Variants in BACH1 observed in about 807,000 individuals in gnomAD.
BACH1 encodes BTB domain and CNC homolog 1, also known as transcription regulator protein BACH1.
BACH1 carries 35 observed loss-of-function variants against 52.9 expected under a neutral mutation model. The ratio of observed to expected loss-of-function variants is 0.66; its 90% CI spans 0.51 to 0.88. BACH1 has a LOEUF of 0.88. BACH1 is among the 40% of genes least tolerant of loss of function. The pLI, the probability that BACH1 is intolerant of heterozygous loss-of-function variation, is 0.00. For missense variants in BACH1, 808 were observed against 872.6 expected (o/e 0.93, Z 0.93); for synonymous variants, 321 against 319.6 (o/e 1.00, Z -0.05).
At chr21:29,358,812 A>AAGAAAGAAATAAAG (rs370582692) in intron 2 of BACH1, among the ~76,000 whole-genome samples, 1 of 146,450 alleles carries the variant, frequency 6.8e-6, no homozygotes. Flanking sequence ...GAAAGAAAGA[A>AAGAAAGAAATAAAG]AGAAGAAAGA....
At chr21:29,358,249 C>T (rs891981534) in intron 2 of BACH1, among the ~76,000 whole-genome samples, 1 of 152,188 alleles carries the variant, frequency 6.6e-6, no homozygotes, top group African/African-American at 2.4e-5. Flanking sequence ...GGGCTAATAT[C>T]TTTAATCTTT....
intron 2 of BACH1, among the ~76,000 whole-genome samples, chr21:29,325,331 C>T (rs2088897775): frequency 6.6e-6 from 1 of 152,134 alleles, no homozygotes; most frequent in African/African-American, 2.4e-5. Flanking sequence ...ATGATGCCTT[C>T]TGTGTACTGG....
At chr21:29,321,663 GTTTT>G (rs1038282129) in intron 2 of BACH1, 149 bp downstream of exon 2, 1 of 581,980 alleles carries the variant, frequency 1.7e-6, no homozygotes, top group African/African-American at 2.3e-5. Context: ...TTTTTTTTTA[GTTTT>G]TTTAATGTAA....
intron 2 of BACH1, among the ~76,000 whole-genome samples, chr21:29,357,296 G>T (rs537420160): frequency 7.1e-4 from 108 of 152,260 alleles, no homozygotes; most frequent in African/African-American, 2.5e-3. Flanking sequence ...GTGAACTTCC[G>T]TCGGTATATA....
intron 4 of BACH1, among the ~76,000 whole-genome samples, chr21:29,339,892 T>C (rs1432965771): frequency 6.6e-6 from 1 of 152,168 alleles, no homozygotes; most frequent in Non-Finnish European, 1.5e-5. Context: ...CACCTCAGCC[T>C]CCCAAAGTGC....
At chr21:29,312,977 G>C (rs944712682) in intron 1 of BACH1, among the ~76,000 whole-genome samples, 2 of 152,106 alleles carry the variant, frequency 1.3e-5, no homozygotes, top group Non-Finnish European at 2.9e-5. Context: ...ATGTAAGGAG[G>C]CTCAACATCC....
chr21:29,310,607 A>T (rs535890152), intron 1 of BACH1, among the ~76,000 whole-genome samples: 1 of 152,362 alleles, frequency 6.6e-6, no homozygotes, highest in South Asian at 2.1e-4. Context: ...GTGGGTCCAG[A>T]TGTGTTCACC....
At chr21:29,322,999 A>G (rs919803057) in intron 2 of BACH1, among the ~76,000 whole-genome samples, 2 of 145,746 alleles carry the variant, frequency 1.4e-5, no homozygotes, top group African/African-American at 2.6e-5. Flanking sequence ...GCATACATGC[A>G]TGTGTGTATG....
intron 2 of BACH1, chr21:29,352,696 TTTGTTG>T (rs754013892): frequency 7.9e-5 from 12 of 152,202 alleles, no homozygotes; most frequent in East Asian, 5.8e-4. Flanking sequence ...AATATTTGTT[TTTGTTG>T]TTGTTGTTGT....
intron 2 of BACH1, 131 bp downstream of exon 2, chr21:29,321,645 C>CTTTTTTTT: frequency 2.0e-6 from 1 of 505,024 alleles, no homozygotes; most frequent in Non-Finnish European, 3.2e-6. Flanking sequence ...TGTGCAACCC[C>CTTTTTTTT]TTTTTTTTTT....
chr21:29,306,923 T>C (rs1437929410), intron 1 of BACH1, among the ~76,000 whole-genome samples: 3 of 152,222 alleles, frequency 2.0e-5, no homozygotes, highest in Non-Finnish European at 4.4e-5. Flanking sequence ...ATTTTTTTTT[T>C]CAATGCTTTA....
At position 29,326,433 on chromosome 21, in the gene BACH1, C is replaced by G; in HGVS notation, c.609C>G (p.Ala203=). 1 of 1,614,188 alleles carries G rather than the reference C, an allele frequency of 6.2e-7. No homozygotes were observed. The part of the protein sequence containing the change: ...AKASPPLQDS[A]SQTYESMCLE... ...CCTCACCTCCTCTACAAGACAGTGC[C>G]AGTCAGACATATGAGTCCATGTGCT... Residue 203 remains alanine, a synonymous_variant, in exon 3 of 5, where the codon GCC becomes GCG. Coordinates refer to ENST00000286800, the MANE Select transcript of BACH1 (RefSeq NM_001186.4).
chr21:29,358,812 A>AAGAAAGAAAGAAAGAGAAGAAAGAAAG (rs370582692), intron 2 of BACH1, among the ~76,000 whole-genome samples: 1 of 146,450 alleles, frequency 6.8e-6, no homozygotes. Flanking sequence ...GAAAGAAAGA[A>AAGAAAGAAAGAAAGAGAAGAAAGAAAG]AGAAGAAAGA....
intron 3 of BACH1, among the ~76,000 whole-genome samples, chr21:29,328,764 G>A (rs939601375): frequency 3.3e-5 from 5 of 152,050 alleles, no homozygotes; most frequent in South Asian, 4.1e-4. Flanking sequence ...GAGTTTGACT[G>A]TTCTGTCTAC....
At position 29,326,608 on chromosome 21, in the gene BACH1, G is replaced by T; in HGVS notation, c.784G>T (p.Glu262Ter). The T allele has an allele frequency of 1.2e-6, 2 of 1,614,210 alleles. No homozygotes were observed. Among genetic ancestry groups the T allele is most frequent in the Non-Finnish European group, 1.7e-6 (2 of 1,180,032 alleles). Residue 262 changes from glutamate (E) to a stop codon, truncating the protein, a stop_gained, in exon 3 of 5, where the codon GAA (glutamate) becomes TAA (stop). Coordinates refer to ENST00000286800, the MANE Select transcript of BACH1 (RefSeq NM_001186.4). LOFTEE classifies it high-confidence loss of function. ...SVQPNERSEN[E>*]CLGGVPECRD... is the part of the protein sequence containing the mutation. ...TCAGCCAAATGAAAGGTCTGAAAAT[G>T]AATGCCTGGGAGGAGTCCCGGAGTG...
At chr21:29,324,468 T>C (rs935921865) in intron 2 of BACH1, among the ~76,000 whole-genome samples, 15 of 152,090 alleles carry the variant, frequency 9.9e-5, no homozygotes, top group African/African-American at 3.6e-4. Context: ...ATTGATGTTG[T>C]TTGACTTAGC....
intron 4 of BACH1, among the ~76,000 whole-genome samples, chr21:29,335,141 G>C (rs1451927163): frequency 6.6e-6 from 1 of 152,220 alleles, no homozygotes; most frequent in Non-Finnish European, 1.5e-5. Context: ...ACTGAGGTCA[G>C]ACGGAGGCTT....
At chr21:29,316,276 G>C (rs1216781245) in intron 1 of BACH1, among the ~76,000 whole-genome samples, 2 of 152,108 alleles carry the variant, frequency 1.3e-5, no homozygotes, top group Admixed American at 6.5e-5. Flanking sequence ...AAAATGTCAA[G>C]TAGTAACTAT....
rs1007144725 is a variant in BACH1, at chr21:29,353,984, G to A, written c.472+24291G>A. The stretch of plus-strand genomic sequence containing the variant: ...CAACAGGGCTTCTGCCAGGGAGGGA[G>A]GTTGCCTTTGAAAGAGAAAATCTGA... On this transcript the variant is annotated intron_variant, in intron 2 of 4. Coordinates refer to the BACH1 transcript ENST00000422809. 2.6e-5 allele frequency among the ~76,000 whole-genome samples: 4 copies of A among 152,152 alleles called. No homozygotes were observed. The South Asian group carries it at 8.3e-4, about 31-fold the overall frequency.
Sources: gnomAD v4.1 joint callset for allele counts (sites outside exome capture counted in the v4.1 genomes callset) on GRCh38, gnomAD v4.1.1 for gene constraint, MANE v1.5 for transcripts, NCBI Gene and HGNC (gene_info 2026-07-23, HGNC 2026-07-21) for gene names.